The following DNAH8 variants were observed in gnomAD, a reference collection of about 807,000 sequenced individuals.
The protein encoded by DNAH8 is dynein axonemal heavy chain 8.
DNAH8 carries 382 observed loss-of-function variants against 562.1 expected under a neutral mutation model. That is an observed-to-expected ratio of 0.68 (90% CI 0.63 to 0.74). The LOEUF is 0.74. Among genes scored for constraint, DNAH8 ranks in the 30% least tolerant of loss-of-function variants. The pLI is 0.00. For synonymous variants in DNAH8, 1,881 were observed against 1,919.4 expected (o/e 0.98, Z 0.52); for missense variants, 5,203 against 5,620.4 (o/e 0.93, Z 2.37).
chr6:38,851,779 A>G (rs1279238263), intron 39 of DNAH8, 105 bp downstream of exon 39: 2 of 739,880 alleles, frequency 2.7e-6, no homozygotes, highest in Non-Finnish European at 4.6e-6. Context: ...AAAGAAGAGT[A>G]TTACAAATTA....
intron 23 of DNAH8, among the ~76,000 whole-genome samples, chr6:38,805,887 A>G (rs1771230418): frequency 6.6e-6 from 1 of 152,192 alleles, no homozygotes; most frequent in African/African-American, 2.4e-5. Context: ...GGATTGGAGC[A>G]GCTGATCCGT....
intron 3 of DNAH8, among the ~76,000 whole-genome samples, chr6:38,729,202 CAAAA>C (rs1169527557): frequency 1.5e-5 from 2 of 129,500 alleles, no homozygotes; most frequent in Non-Finnish European, 3.3e-5. Context: ...AACTCCGTCT[CAAAA>C]CAAACAAACA....
intron 47 of DNAH8, among the ~76,000 whole-genome samples, chr6:38,867,764 A>AAC (rs900220565): frequency 6.6e-6 from 1 of 151,380 alleles, no homozygotes; most frequent in African/African-American, 2.4e-5. Context: ...AAAAAAAAAA[A>AAC]AAAAAAAACA....
intron 10 of DNAH8, among the ~76,000 whole-genome samples, chr6:38,759,368 A>T (rs77446079): frequency 0.03 from 4,599 of 152,234 alleles, 221 homozygotes; most frequent in African/African-American, 0.099. Flanking sequence ...AACCCACATG[A>T]ATAGAATTTA....
At chr6:38,850,859 A>T (rs778508413) in intron 38 of DNAH8, among the ~76,000 whole-genome samples, 1 of 151,990 alleles carries the variant, frequency 6.6e-6, no homozygotes, top group Non-Finnish European at 1.5e-5. Flanking sequence ...TGTGTCTCTT[A>T]TGACGACATT....
At chr6:38,987,941 C>T (rs1461822107) in intron 87 of DNAH8, among the ~76,000 whole-genome samples, 6 of 152,186 alleles carry the variant, frequency 3.9e-5, no homozygotes, top group African/African-American at 1.2e-4. Flanking sequence ...ACAAAAGCCT[C>T]ACAGCCCCCA....
chr6:38,906,879 A>G (rs1057236717), intron 63 of DNAH8, among the ~76,000 whole-genome samples: 2 of 152,206 alleles, frequency 1.3e-5, no homozygotes, highest in African/African-American at 4.8e-5. Flanking sequence ...AAACTCTGGA[A>G]TCCAAAATGC....
intron 91 of DNAH8, among the ~76,000 whole-genome samples, chr6:39,023,424 T>C (rs1015064486): frequency 6.6e-6 from 1 of 151,726 alleles, no homozygotes; most frequent in Non-Finnish European, 1.5e-5. Context: ...ACCCGGGAGG[T>C]GGAGCTTGCA....
chr6:38,770,588 C>T, intron 12 of DNAH8, 29 bp downstream of exon 12: 1 of 1,532,260 alleles, frequency 6.5e-7, no homozygotes, highest in Non-Finnish European at 8.7e-7. Context: ...TCGTACCCCA[C>T]TCCACACCAC....
chr6:38,941,849 A>G (rs951495057), intron 79 of DNAH8, among the ~76,000 whole-genome samples: 2 of 152,184 alleles, frequency 1.3e-5, no homozygotes, highest in African/African-American at 4.8e-5. Flanking sequence ...TCTATGCACC[A>G]TGGTCTGAAT....
intron 80 of DNAH8, among the ~76,000 whole-genome samples, chr6:38,948,585 C>A (rs922870608): frequency 1.3e-5 from 2 of 152,096 alleles, no homozygotes; most frequent in African/African-American, 4.8e-5. Context: ...GTGATCTGCC[C>A]GCCTCGGCCT....
chr6:39,004,771 C>G (rs998723526), intron 88 of DNAH8, among the ~76,000 whole-genome samples: 2 of 152,192 alleles, frequency 1.3e-5, no homozygotes, highest in African/African-American at 4.8e-5. Context: ...TTTGCATAAG[C>G]AGAATTATAC....
At chr6:38,745,835 C>T (rs556175945) in intron 8 of DNAH8, among the ~76,000 whole-genome samples, 2 of 152,256 alleles carry the variant, frequency 1.3e-5, no homozygotes, top group South Asian at 2.1e-4. Context: ...CTCGTGAATA[C>T]ATTGAGGTTA....
chr6:38,938,951 G>C lies in DNAH8; in HGVS notation c.11970G>C (p.Gly3990=). The C allele has an allele frequency of 6.2e-7, 1 of 1,613,860 alleles. No homozygotes were observed. Among genetic ancestry groups the C allele is most frequent in the Non-Finnish European group, 8.5e-7 (1 of 1,179,864 alleles). ...CCTTAAAGATTGACCTTCAGAGAGGGACAGTTAAGCACAGAGAGTTTCAAG... is the reference window on the plus strand; with the variant it reads ...CCTTAAAGATTGACCTTCAGAGAGGCACAGTTAAGCACAGAGAGTTTCAAG... The part of the protein sequence containing the change: ...LMTLKIDLQR[G]TVKHREFQAL... Residue 3990 remains glycine, a synonymous_variant, in exon 79 of 93, where the codon GGG becomes GGC. Transcript: ENST00000327475.
chr6:39,019,665 CAG>C (rs1766776604), intron 91 of DNAH8, among the ~76,000 whole-genome samples: 1 of 152,064 alleles, frequency 6.6e-6, no homozygotes, highest in Admixed American at 6.5e-5. Context: ...CTGAACTAAA[CAG>C]GGAAGTAAAT....
At chr6:38,962,546 A>G (rs901446361) in intron 82 of DNAH8, among the ~76,000 whole-genome samples, 2 of 152,200 alleles carry the variant, frequency 1.3e-5, no homozygotes, top group African/African-American at 4.8e-5. Context: ...AGTGGGTTAG[A>G]CAGTAAACAA....
Position 38,715,339 on chromosome 6 carries a change from C to T in DNAH8, c.-111C>T, listed in dbSNP as rs901796523. 2 of 152,294 alleles carry T rather than the reference C, an allele frequency of 1.3e-5. No homozygotes were observed. Among genetic ancestry groups the T allele is most frequent in the Non-Finnish European group, 2.9e-5 (2 of 68,126 alleles). The allele number at this position is 152,294 out of a possible 1,614,324, so 9.4% of individuals were successfully genotyped here. On this transcript the variant is annotated 5_prime_UTR_variant, in exon 1 of 93. Coordinates refer to ENST00000327475, the MANE Select transcript of DNAH8 (RefSeq NM_001206927.2). Reference sequence around the variant, plus strand: ...CCGGGCCGCGGAGGCCGGAGCAGCTCCCCCGGGGCAGCGCAACCGCTGGGG... The same window carrying T: ...CCGGGCCGCGGAGGCCGGAGCAGCTTCCCCGGGGCAGCGCAACCGCTGGGG...
intron 56 of DNAH8, 117 bp downstream of exon 56, chr6:38,884,115 C>G: frequency 1.7e-6 from 1 of 577,598 alleles, no homozygotes; most frequent in Non-Finnish European, 2.4e-6. Flanking sequence ...AGTCTACTGC[C>G]AATCCTCAGT....
intron 67 of DNAH8, 104 bp downstream of exon 67, chr6:38,914,056 C>T (rs1781110555): frequency 1.2e-6 from 1 of 808,256 alleles, no homozygotes; most frequent in Non-Finnish European, 2.0e-6. Flanking sequence ...AACCCATGGA[C>T]AATTCCTGAT....
Sources: gnomAD v4.1 joint callset for allele counts (sites outside exome capture counted in the v4.1 genomes callset) on GRCh38, gnomAD v4.1.1 for gene constraint, MANE v1.5 for transcripts, NCBI Gene and HGNC (gene_info 2026-07-23, HGNC 2026-07-21) for gene names.